The following ST6GALNAC3 variants were observed in gnomAD, a reference collection of about 807,000 sequenced individuals.
ST6GALNAC3 encodes the protein ST6 N-acetylgalactosaminide alpha-2,6-sialyltransferase 3, also known as alpha-N-acetylgalactosaminide alpha-2,6-sialyltransferase 3.
ST6GALNAC3 carries 25 observed loss-of-function variants against 32.7 expected under a neutral mutation model. The ratio of observed to expected loss-of-function variants is 0.76; its 90% CI spans 0.56 to 1.07. The LOEUF (loss-of-function observed/expected upper bound fraction) is 1.07. Among genes scored for constraint, ST6GALNAC3 ranks in the 50% least tolerant of loss-of-function variants. ST6GALNAC3 has a pLI of 0.00. For missense variants in ST6GALNAC3, 355 were observed against 382.4 expected, an observed-to-expected ratio of 0.93 and a Z score of 0.60; for synonymous variants, 129 against 133.1, an observed-to-expected ratio of 0.97 and a Z score of 0.21.
chr1:76,082,300 T>G (rs1646907202), intron 1 of ST6GALNAC3, among the ~76,000 whole-genome samples: 1 of 152,188 alleles, frequency 6.6e-6, no homozygotes, highest in Non-Finnish European at 1.5e-5. Flanking sequence ...AAGCTGCAGT[T>G]AGCTCCTGGT....
chr1:76,595,640 G>A (rs1037057524), intron 3 of ST6GALNAC3, among the ~76,000 whole-genome samples: 10 of 152,014 alleles, frequency 6.6e-5, no homozygotes, highest in African/African-American at 2.2e-4. Context: ...ACATACTGAT[G>A]TGTAATTTTC....
intron 3 of ST6GALNAC3, among the ~76,000 whole-genome samples, chr1:76,525,263 A>G (rs977386012): frequency 4.6e-5 from 7 of 152,122 alleles, no homozygotes; most frequent in Non-Finnish European, 1.0e-4. Context: ...GCTTGTGAAG[A>G]CGTCTAGGAA....
At chr1:76,530,785 C>T (rs1164573856) in intron 3 of ST6GALNAC3, among the ~76,000 whole-genome samples, 2 of 152,174 alleles carry the variant, frequency 1.3e-5, no homozygotes, top group Non-Finnish European at 2.9e-5. Flanking sequence ...AAGTGACTTG[C>T]TCATGGTAAC....
At chr1:76,369,394 C>T (rs1650640212) in intron 2 of ST6GALNAC3, among the ~76,000 whole-genome samples, 1 of 152,158 alleles carries the variant, frequency 6.6e-6, no homozygotes, top group African/African-American at 2.4e-5. Flanking sequence ...ATATGTAGCT[C>T]ACTATGTGCC....
chr1:76,435,198 A>G (rs1403497858), intron 3 of ST6GALNAC3, among the ~76,000 whole-genome samples: 1 of 152,134 alleles, frequency 6.6e-6, no homozygotes, highest in Non-Finnish European at 1.5e-5. Context: ...TGTATTCAAT[A>G]TTCAAAAAGT....
At chr1:76,355,766 G>T (rs1447395272) in intron 2 of ST6GALNAC3, among the ~76,000 whole-genome samples, 1 of 152,144 alleles carries the variant, frequency 6.6e-6, no homozygotes, top group Non-Finnish European at 1.5e-5. Context: ...GGCTCTTTGT[G>T]TTGGCACATA....
intron 3 of ST6GALNAC3, among the ~76,000 whole-genome samples, chr1:76,570,938 C>T (rs1403213758): frequency 6.6e-6 from 1 of 152,016 alleles, no homozygotes; most frequent in Non-Finnish European, 1.5e-5. Context: ...TACCAGTGCT[C>T]TTCTAGATGT....
intron 1 of ST6GALNAC3, among the ~76,000 whole-genome samples, chr1:76,256,451 C>T (rs989750380): frequency 6.6e-6 from 1 of 152,130 alleles, no homozygotes; most frequent in Non-Finnish European, 1.5e-5. Context: ...AGTTCCTGAA[C>T]AAGTTGCTTC....
chr1:76,508,101 G>T (rs907934513), intron 3 of ST6GALNAC3, among the ~76,000 whole-genome samples: 1 of 152,140 alleles, frequency 6.6e-6, no homozygotes, highest in Non-Finnish European at 1.5e-5. Context: ...ACTCGCCTTA[G>T]ATCAGCGGTT....
intron 1 of ST6GALNAC3, among the ~76,000 whole-genome samples, chr1:76,185,662 TGTTCTGTGCATATACTGC>T (rs771677276): frequency 6.6e-6 from 1 of 152,172 alleles, no homozygotes; most frequent in Non-Finnish European, 1.5e-5. Flanking sequence ...GCACATACTG[TGTTCTGTGCATATACTGC>T]CAGCATTGTG....
chr1:76,569,225 T>C (rs1405426843), intron 3 of ST6GALNAC3, among the ~76,000 whole-genome samples: 1 of 152,200 alleles, frequency 6.6e-6, no homozygotes, highest in Non-Finnish European at 1.5e-5. Flanking sequence ...CTGGTTTCTC[T>C]ATTTTCTAAT....
At chr1:76,442,884 T>C (rs1340636304) in intron 3 of ST6GALNAC3, among the ~76,000 whole-genome samples, 1 of 152,230 alleles carries the variant, frequency 6.6e-6, no homozygotes, top group Non-Finnish European at 1.5e-5. Flanking sequence ...TCCTGCTGGA[T>C]ACAGCCCTCA....
At chr1:76,517,066 C>A (rs946251719) in intron 3 of ST6GALNAC3, among the ~76,000 whole-genome samples, 3 of 151,624 alleles carry the variant, frequency 2.0e-5, no homozygotes, top group African/African-American at 4.8e-5. Context: ...TTAAAAATTT[C>A]TTTGGGATTC....
intron 3 of ST6GALNAC3, among the ~76,000 whole-genome samples, chr1:76,518,970 G>A (rs12745895): frequency 0.1 from 15,435 of 152,168 alleles, 988 homozygotes; most frequent in East Asian, 0.22. Flanking sequence ...GGAGGCTAAG[G>A]CAGGAGAATC....
At chr1:76,553,439 A>G (rs1228773903) in intron 3 of ST6GALNAC3, among the ~76,000 whole-genome samples, 1 of 152,186 alleles carries the variant, frequency 6.6e-6, no homozygotes, top group African/African-American at 2.4e-5. Flanking sequence ...CCCGTGCCAT[A>G]TAATTACATT....
At chr1:76,079,965 A>G (rs1426577515) in intron 1 of ST6GALNAC3, among the ~76,000 whole-genome samples, 1 of 152,196 alleles carries the variant, frequency 6.6e-6, no homozygotes, top group Non-Finnish European at 1.5e-5. Flanking sequence ...AACTGCTTTC[A>G]TGCCCAGCTC....
intron 3 of ST6GALNAC3, among the ~76,000 whole-genome samples, chr1:76,582,381 A>G (rs1646904506): frequency 6.6e-6 from 1 of 152,150 alleles, no homozygotes; most frequent in Admixed American, 6.6e-5. Flanking sequence ...AAGCATTCCA[A>G]GAAATCAGGT....
chr1:76,310,313 T>C lies in ST6GALNAC3; in HGVS notation c.19-3492T>C, dbSNP rs531755966. On this transcript the variant is annotated intron_variant, in intron 1 of 4. Transcript: ENST00000328299. ...TTCATTAAACTGTTACCTTGACACATTGCAATGTTGTGGACATAATGATTC... is the reference window on the plus strand; with the variant it reads ...TTCATTAAACTGTTACCTTGACACACTGCAATGTTGTGGACATAATGATTC... Among the ~76,000 whole-genome samples the C allele has an allele frequency of 3.5e-4, 54 of 152,286 alleles. No homozygotes were observed. The South Asian group carries it at 0.01, about 29-fold the overall frequency.
At chr1:76,417,514 A>G (rs1654728646) in intron 3 of ST6GALNAC3, among the ~76,000 whole-genome samples, 1 of 152,144 alleles carries the variant, frequency 6.6e-6, no homozygotes, top group Admixed American at 6.6e-5. Flanking sequence ...ATAGTGGCAC[A>G]TTGTGCCACA....
Sources: gnomAD v4.1 joint callset for allele counts (sites outside exome capture counted in the v4.1 genomes callset) on GRCh38, gnomAD v4.1.1 for gene constraint, MANE v1.5 for transcripts, NCBI Gene and HGNC (gene_info 2026-07-23, HGNC 2026-07-21) for gene names.